PRKAR2B: variants seen among roughly 807,000 people sequenced by gnomAD.
The protein encoded by PRKAR2B is protein kinase cAMP-dependent type II regulatory subunit beta.
In PRKAR2B, 14 loss-of-function variants were observed where a neutral mutation model predicts 49.9. The ratio of observed to expected loss-of-function variants is 0.28; its 90% CI spans 0.19 to 0.44. The LOEUF is 0.44. PRKAR2B is among the 20% of genes least tolerant of loss of function. The pLI, the probability that PRKAR2B is intolerant of heterozygous loss-of-function variation, is 1.00. For synonymous variants in PRKAR2B, 196 were observed against 197.7 expected, an observed-to-expected ratio of 0.99 and a Z score of 0.07; for missense variants, 393 against 537.9, an observed-to-expected ratio of 0.73 and a Z score of 2.67.
chr7:107,130,148 T>C (rs979099990), intron 4 of PRKAR2B, among the ~76,000 whole-genome samples: 2 of 152,196 alleles, frequency 1.3e-5, no homozygotes, highest in Admixed American at 6.5e-5. Context: ...ATAATAGTTT[T>C]GGATAGATTT....
chr7:107,061,603 A>G (rs1476148306), intron 1 of PRKAR2B, among the ~76,000 whole-genome samples: 3 of 152,200 alleles, frequency 2.0e-5, no homozygotes, highest in Non-Finnish European at 2.9e-5. Flanking sequence ...GAACACGTCA[A>G]TAAAGAAGAC....
intron 4 of PRKAR2B, among the ~76,000 whole-genome samples, chr7:107,140,311 A>G (rs1255983666): frequency 6.6e-6 from 1 of 152,172 alleles, no homozygotes; most frequent in African/African-American, 2.4e-5. Flanking sequence ...GTGACAGAAT[A>G]TTTGCCACAG....
intron 1 of PRKAR2B, among the ~76,000 whole-genome samples, chr7:107,051,280 G>A (rs189549398): frequency 4.6e-4 from 70 of 152,242 alleles, no homozygotes; most frequent in African/African-American, 1.6e-3. Flanking sequence ...GAATTTCCAG[G>A]TTTTTTTGTT....
intron 4 of PRKAR2B, among the ~76,000 whole-genome samples, chr7:107,136,603 A>G (rs897176021): frequency 6.6e-6 from 1 of 152,356 alleles, no homozygotes; most frequent in East Asian, 1.9e-4. Context: ...TAAAACAGCA[A>G]TGAGATAGTA....
At chr7:107,078,217 AGAAAAAAG>A (rs1329493720) in intron 2 of PRKAR2B, 1 of 145,606 alleles carries the variant, frequency 6.9e-6, no homozygotes, top group African/African-American at 2.7e-5. Flanking sequence ...AAAAAAAAAA[AGAAAAAAG>A]AAAAGAAAAG....
chr7:107,143,206 T>C (rs1171582481), intron 5 of PRKAR2B, among the ~76,000 whole-genome samples: 1 of 152,212 alleles, frequency 6.6e-6, no homozygotes, highest in Non-Finnish European at 1.5e-5. Context: ...CGCAAAAGTA[T>C]AAATAGTGTA....
chr7:107,088,610 A>G (rs1488207240), intron 2 of PRKAR2B, among the ~76,000 whole-genome samples: 1 of 151,736 alleles, frequency 6.6e-6, no homozygotes, highest in Non-Finnish European at 1.5e-5. Context: ...TTTATATTTT[A>G]TTTTATTTCG....
At chr7:107,126,420 CAAAAAAAAAAAAAA>C (rs35682952) in intron 3 of PRKAR2B, among the ~76,000 whole-genome samples, 2 of 38,392 alleles carry the variant, frequency 5.2e-5, no homozygotes, top group Non-Finnish European at 1.0e-4. Context: ...GAATCTGTCT[CAAAAAAAAAAAAAA>C]AAAAAAAAAG....
intron 2 of PRKAR2B, among the ~76,000 whole-genome samples, chr7:107,088,661 G>A (rs1415355917): frequency 6.6e-6 from 1 of 152,076 alleles, no homozygotes; most frequent in African/African-American, 2.4e-5. Context: ...GTGCAGTGGT[G>A]TGATCTTGGC....
rs909626557 is a variant in PRKAR2B, at chr7:107,152,027, A to G, written c.843+1004A>G. Among the ~76,000 whole-genome samples, 8 of 152,200 alleles carry G rather than the reference A, an allele frequency of 5.3e-5. No individual in the cohort carries two copies. In the East Asian group the frequency reaches 9.6e-4, roughly 18 times the overall value. On this transcript the variant is annotated intron_variant, in intron 7 of 10. Coordinates refer to ENST00000265717, the MANE Select transcript of PRKAR2B (RefSeq NM_002736.3). ...ATTTCCTCTCAGATGTCTAATAGAC[A>G]TCTCAAACCTAGTATGTCCCAAATC...
At chr7:107,118,023 G>T (rs141238368) in intron 2 of PRKAR2B, among the ~76,000 whole-genome samples, 1 of 152,194 alleles carries the variant, frequency 6.6e-6, no homozygotes, top group African/African-American at 2.4e-5. Context: ...AAACAAAAAG[G>T]ATGAAGTATA....
chr7:107,116,235 A>C (rs1053349964), intron 2 of PRKAR2B, among the ~76,000 whole-genome samples: 3 of 152,224 alleles, frequency 2.0e-5, no homozygotes, highest in Non-Finnish European at 4.4e-5. Flanking sequence ...AGGAAAATAG[A>C]GGGAACAAAA....
intron 1 of PRKAR2B, among the ~76,000 whole-genome samples, chr7:107,055,113 T>A (rs561526376): frequency 2.3e-3 from 344 of 152,328 alleles, no homozygotes; most frequent in African/African-American, 7.9e-3. Context: ...GTTTCCAGCT[T>A]CATCCATGTC....
chr7:107,132,818 A>G (rs1423329370), intron 4 of PRKAR2B, among the ~76,000 whole-genome samples: 1 of 152,150 alleles, frequency 6.6e-6, no homozygotes, highest in Non-Finnish European at 1.5e-5. Flanking sequence ...TGAAAATCTT[A>G]CACTTCCTAG....
At chr7:107,145,956 G>T (rs1362241868) in intron 5 of PRKAR2B, among the ~76,000 whole-genome samples, 1 of 151,950 alleles carries the variant, frequency 6.6e-6, no homozygotes, top group Non-Finnish European at 1.5e-5. Flanking sequence ...GGCCAGGCTG[G>T]TCTCAAACTC....
intron 1 of PRKAR2B, among the ~76,000 whole-genome samples, chr7:107,064,344 A>G (rs1466137709): frequency 6.6e-6 from 1 of 152,196 alleles, no homozygotes; most frequent in Non-Finnish European, 1.5e-5. Context: ...GAATTCGGTT[A>G]GTAAATATAA....
intron 5 of PRKAR2B, among the ~76,000 whole-genome samples, chr7:107,142,943 A>G (rs994896480): frequency 3.9e-5 from 6 of 152,054 alleles, no homozygotes; most frequent in African/African-American, 1.4e-4. Flanking sequence ...TTGTATTTTC[A>G]GTAGAGACAA....
chr7:107,093,977 T>G (rs1389572938), intron 2 of PRKAR2B, among the ~76,000 whole-genome samples: 2 of 152,222 alleles, frequency 1.3e-5, no homozygotes, highest in Non-Finnish European at 2.9e-5. Flanking sequence ...AACATACGTG[T>G]GCATGTGTCT....
At chr7:107,096,085 C>T (rs1037452667) in intron 2 of PRKAR2B, among the ~76,000 whole-genome samples, 32 of 152,188 alleles carry the variant, frequency 2.1e-4, no homozygotes, top group Non-Finnish European at 3.2e-4. Context: ...ATGGTACCAG[C>T]TCCTCTTTGT....
Sources: gnomAD v4.1 joint callset for allele counts (sites outside exome capture counted in the v4.1 genomes callset) on GRCh38, gnomAD v4.1.1 for gene constraint, MANE v1.5 for transcripts, NCBI Gene and HGNC (gene_info 2026-07-23, HGNC 2026-07-21) for gene names.